ARFGEF1: variants seen among roughly 807,000 people sequenced by gnomAD.
The protein encoded by ARFGEF1 is brefeldin A-inhibited guanine nucleotide-exchange protein 1.
ARFGEF1 carries 42 observed loss-of-function variants against 231.0 expected under a neutral mutation model. The observed-to-expected ratio is 0.18, with a 90% confidence interval of 0.14 to 0.24. ARFGEF1 has a LOEUF of 0.24. Ranked by LOEUF, ARFGEF1 falls within the 10% of genes least tolerant of loss-of-function variation. ARFGEF1 has a pLI of 1.00. For synonymous variants in ARFGEF1, 710 were observed against 732.3 expected (o/e 0.97, Z 0.49); for missense variants, 1,345 against 2,192.0 (o/e 0.61, Z 7.72).
At chr8:67,213,590 C>T (rs934228508) in intron 33 of ARFGEF1, among the ~76,000 whole-genome samples, 4 of 152,294 alleles carry the variant, frequency 2.6e-5, no homozygotes, top group South Asian at 2.1e-4. Flanking sequence ...ATACTTAAGT[C>T]GAAGGAGTAA....
intron 29 of ARFGEF1, among the ~76,000 whole-genome samples, chr8:67,223,160 G>A (rs545243378): frequency 6.6e-6 from 1 of 152,182 alleles, no homozygotes; most frequent in Non-Finnish European, 1.5e-5. Context: ...AAGTAAGAAT[G>A]CACACAAGAA....
Position 67,199,113 on chromosome 8 carries a change from A to G in ARFGEF1, c.5386-15T>C. 6.2e-7 allele frequency: 1 copy of G among 1,602,024 alleles called. No individual in the cohort carries two copies. Among genetic ancestry groups the G allele is most frequent in the South Asian group, 1.1e-5 (1 of 88,690 alleles). On this transcript the variant is annotated splice_polypyrimidine_tract_variant and intron_variant, in intron 38 of 38. Transcript: ENST00000262215. ...TGAGCTTTAAACTGCAGGGAAAATG[A>G]ATTTCTCCATTAGTAGTGATTGCAA...
chr8:67,303,662 C>CA (rs1398747551), intron 1 of ARFGEF1, among the ~76,000 whole-genome samples: 1 of 151,578 alleles, frequency 6.6e-6, no homozygotes, highest in Non-Finnish European at 1.5e-5. Context: ...TGCAGTGAGC[C>CA]AAAATCACAC....
At chr8:67,304,699 G>A (rs566163249) in intron 1 of ARFGEF1, among the ~76,000 whole-genome samples, 1 of 152,300 alleles carries the variant, frequency 6.6e-6, no homozygotes, top group East Asian at 1.9e-4. Flanking sequence ...CATGCCTGTA[G>A]TCCCAGCTAC....
At chr8:67,277,223 A>G in intron 8 of ARFGEF1, 59 bp downstream of exon 8, 1 of 1,528,712 alleles carries the variant, frequency 6.5e-7, no homozygotes. Context: ...AGGTGGTGGT[A>G]GCCTATAAAT....
At chr8:67,306,352 T>C (rs190368340) in intron 1 of ARFGEF1, among the ~76,000 whole-genome samples, 163 of 152,342 alleles carry the variant, frequency 1.1e-3, no homozygotes, top group African/African-American at 3.6e-3. Flanking sequence ...GTGTACAATT[T>C]AAAACTTAAC....
intron 8 of ARFGEF1, among the ~76,000 whole-genome samples, chr8:67,276,818 C>T (rs1213394939): frequency 2.6e-5 from 4 of 152,030 alleles, no homozygotes; most frequent in Non-Finnish European, 5.9e-5. Context: ...TGCATTATAC[C>T]GAATGAGCAT....
At chr8:67,177,591 A>AG (rs1322791891) in intron 5 of ARFGEF1, 2 of 785,792 alleles carry the variant, frequency 2.5e-6, no homozygotes, top group Non-Finnish European at 4.3e-6. Context: ...TCCAGTAGAG[A>AG]GCTAGTCAAA....
intron 34 of ARFGEF1, among the ~76,000 whole-genome samples, chr8:67,209,442 T>G (rs1032587208): frequency 6.6e-6 from 1 of 152,212 alleles, no homozygotes; most frequent in African/African-American, 2.4e-5. Context: ...GAAGTGGCTG[T>G]ATAACAGTTA....
intron 11 of ARFGEF1, 46 bp from the exon 12 acceptor site, chr8:67,267,276 G>A: frequency 1.3e-6 from 2 of 1,599,884 alleles, no homozygotes; most frequent in Non-Finnish European, 1.7e-6. Flanking sequence ...TCTAGGATAT[G>A]AGTACATTTG....
At position 67,240,191 on chromosome 8, in the gene ARFGEF1, T is replaced by C. The variant is rs776142271; in HGVS notation, c.2950A>G (p.Ile984Val). The change falls in exon 20 of 39, where the codon ATC (isoleucine) becomes GTC (valine). Residue 984 changes from isoleucine to valine, a missense_variant. Transcript: ENST00000262215. ...ATGCTGAAAATGCATGCAATTCTGA[T>C]TGCACATCTTATACCTTCCAGGCAA... ...SLCLEGIRCA[I>V]RIACIFSIQL... The C allele has an allele frequency of 3.1e-6, 5 of 1,612,024 alleles. No individual in the cohort carries two copies. Among genetic ancestry groups the C allele is most frequent in the African/African-American group, 1.3e-5 (1 of 74,992 alleles).
chr8:67,301,203 A>G, intron 3 of ARFGEF1, 21 bp downstream of exon 3: 2 of 1,568,896 alleles, frequency 1.3e-6, no homozygotes, highest in Non-Finnish European at 1.7e-6. Context: ...CAGTTTTTAG[A>G]AAGTGCCATT....
intron 8 of ARFGEF1, 30 bp from the exon 9 acceptor site, chr8:67,276,139 TAG>T (rs750819146): frequency 6.2e-7 from 1 of 1,610,450 alleles, no homozygotes; most frequent in South Asian, 1.1e-5. Flanking sequence ...ATGAAAATTT[TAG>T]AGATATTTGC....
At chr8:67,342,927 A>C (rs1400373700) in intron 1 of ARFGEF1, among the ~76,000 whole-genome samples, 1 of 152,060 alleles carries the variant, frequency 6.6e-6, no homozygotes, top group Non-Finnish European at 1.5e-5. Flanking sequence ...CCGCGATCCT[A>C]AGCCCTGCCG....
intron 10 of ARFGEF1, among the ~76,000 whole-genome samples, chr8:67,270,752 C>T (rs1236582383): frequency 1.4e-5 from 2 of 146,518 alleles, no homozygotes; most frequent in African/African-American, 5.0e-5. Context: ...AAGCTGGGCG[C>T]AGTGGCTCAC....
At chr8:67,316,083 A>T (rs1807299807) in intron 1 of ARFGEF1, among the ~76,000 whole-genome samples, 1 of 152,218 alleles carries the variant, frequency 6.6e-6, no homozygotes. Flanking sequence ...AAGAGGAAAG[A>T]AAAAATAAAG....
At chr8:67,279,211 A>C (rs1805435853) in intron 7 of ARFGEF1, among the ~76,000 whole-genome samples, 1 of 152,148 alleles carries the variant, frequency 6.6e-6, no homozygotes, top group Non-Finnish European at 1.5e-5. Flanking sequence ...TCCCCAGAGT[A>C]CTTATTCCAA....
intron 34 of ARFGEF1, among the ~76,000 whole-genome samples, chr8:67,208,702 T>C (rs372925688): frequency 6.6e-6 from 1 of 150,874 alleles, no homozygotes; most frequent in South Asian, 2.1e-4. Flanking sequence ...GCTCATGACC[T>C]TGGATTTTGA....
intron 1 of ARFGEF1, among the ~76,000 whole-genome samples, chr8:67,306,436 T>C (rs1465306270): frequency 6.6e-6 from 1 of 152,220 alleles, no homozygotes; most frequent in Non-Finnish European, 1.5e-5. Context: ...ACAGGACACA[T>C]TTAATAAACA....
Sources: allele counts gnomAD v4.1 joint callset (sites outside exome capture counted in the v4.1 genomes callset), GRCh38; gene constraint gnomAD v4.1.1; transcripts MANE v1.5; gene names NCBI Gene and HGNC (gene_info 2026-07-23, HGNC 2026-07-21).